Variants in ROBO2 observed in about 807,000 individuals in gnomAD.
The protein encoded by ROBO2 is roundabout homolog 2.
A neutral mutation model predicts 160.8 loss-of-function variants in ROBO2; 53 were observed. The ratio of observed to expected loss-of-function variants is 0.33; its 90% confidence interval spans 0.26 to 0.41. The LOEUF (loss-of-function observed/expected upper bound fraction) is 0.41. ROBO2 is among the 10% of genes least tolerant of loss of function. The pLI, the probability that ROBO2 is intolerant of heterozygous loss-of-function variation, is 1.00. For synonymous variants in ROBO2, 664 were observed against 611.7 expected (o/e 1.09, Z -1.26); for missense variants, 1,577 against 1,722.4 (o/e 0.92, Z 1.49).
At chr3:76,015,211 A>G (rs957166947) in intron 2 of ROBO2, among the ~76,000 whole-genome samples, 5 of 152,224 alleles carry the variant, frequency 3.3e-5, no homozygotes, top group African/African-American at 1.2e-4. Context: ...ACAAATGGCT[A>G]CATATAAAAA....
Position 77,317,240 on chromosome 3 carries a change from T to C in ROBO2, c.389-160174T>C, listed in dbSNP as rs2064097856. 4 of 800,092 alleles carry C rather than the reference T, an allele frequency of 5.0e-6. No homozygotes were observed. The Admixed American group carries it at 7.1e-5, about 14-fold the overall frequency. The allele number at this position is 800,092 out of a possible 1,614,324, so 49.6% of individuals were successfully genotyped here. On this transcript the variant is annotated intron_variant, in intron 2 of 25. Coordinates refer to ENST00000461745, the Ensembl canonical transcript of ROBO2. ...AAATCCACGTCACAGCCCAGGTTAA[T>C]GTGCTCCCACTTGCACCCTGTCTTG...
rs1329634324 is a variant in ROBO2 at position 76,580,317 on chromosome 3, G to GTT, written c.110-517688_110-517687dup. 8.9e-3 allele frequency among the ~76,000 whole-genome samples: 347 copies of GTT among 38,866 alleles called. 2 individuals carry two copies. The highest frequency in any genetic ancestry group is 0.023 in the African/African-American group (338 of 14,468). 25.5% of individuals were successfully genotyped at this position (38,866 alleles called of 152,430 possible). ...TCCCCCAACTGCTAACCCAACCCCT[G>GTT]TTTTTTTTTTGTTTTTTTTTTTGTG... is the stretch of plus-strand genomic sequence containing the variant. On this transcript the variant is annotated intron_variant, in intron 2 of 26. Coordinates refer to the ROBO2 transcript ENST00000487694.
intron 2 of ROBO2, among the ~76,000 whole-genome samples, chr3:76,090,988 A>C (rs1265859143): frequency 6.6e-6 from 1 of 152,214 alleles, no homozygotes; most frequent in African/African-American, 2.4e-5. Context: ...TAAAACACAA[A>C]ACTACGAAGC....
chr3:77,123,333 G>A (rs150240602), intron 2 of ROBO2, among the ~76,000 whole-genome samples: 3,718 of 152,204 alleles, frequency 0.024, 67 homozygotes, highest in Non-Finnish European at 0.038. Flanking sequence ...TTTTTCTGCA[G>A]CAGTTTCCAG....
chr3:77,249,808 TTTA>T (rs1169380223), intron 2 of ROBO2, among the ~76,000 whole-genome samples: 5 of 151,274 alleles, frequency 3.3e-5, no homozygotes, highest in East Asian at 1.9e-4. Context: ...GCTACTATAT[TTTA>T]TTATTATTAT....
At chr3:76,882,504 A>C (rs2073454666) in intron 2 of ROBO2, among the ~76,000 whole-genome samples, 1 of 152,042 alleles carries the variant, frequency 6.6e-6, no homozygotes, top group Non-Finnish European at 1.5e-5. Flanking sequence ...GTATCAAAAT[A>C]GCTTTTAAAA....
At chr3:76,393,855 A>G (rs960220838) in intron 2 of ROBO2, among the ~76,000 whole-genome samples, 11 of 152,148 alleles carry the variant, frequency 7.2e-5, no homozygotes, top group East Asian at 1.9e-4. Flanking sequence ...TTTTATTTGT[A>G]TATGTATTAT....
chr3:76,272,193 T>A (rs976834614), intron 2 of ROBO2, among the ~76,000 whole-genome samples: 3 of 152,148 alleles, frequency 2.0e-5, no homozygotes, highest in African/African-American at 7.2e-5. Context: ...TGAAGTTATG[T>A]AAAGTAGCGC....
At chr3:77,111,747 G>A (rs1414270264) in intron 2 of ROBO2, among the ~76,000 whole-genome samples, 2 of 152,166 alleles carry the variant, frequency 1.3e-5, no homozygotes, top group Non-Finnish European at 2.9e-5. Flanking sequence ...CCCAAAACAT[G>A]ACTTAATGAG....
At chr3:76,700,640 G>T (rs895340919) in intron 2 of ROBO2, among the ~76,000 whole-genome samples, 2 of 152,112 alleles carry the variant, frequency 1.3e-5, no homozygotes, top group African/African-American at 4.8e-5. Context: ...ATTGGAAACT[G>T]CTTCCTTTGA....
At chr3:76,120,346 G>C (rs1230738938) in intron 2 of ROBO2, among the ~76,000 whole-genome samples, 1 of 151,764 alleles carries the variant, frequency 6.6e-6, no homozygotes, top group Non-Finnish European at 1.5e-5. Context: ...TCAGATCACA[G>C]GTTGTGAGTG....
chr3:77,192,208 T>A (rs955804833), intron 2 of ROBO2, among the ~76,000 whole-genome samples: 1 of 152,322 alleles, frequency 6.6e-6, no homozygotes, highest in African/African-American at 2.4e-5. Flanking sequence ...ATGATATTAT[T>A]CTATCTTTGC....
At chr3:77,407,571 A>G (rs922906799) in intron 2 of ROBO2, among the ~76,000 whole-genome samples, 2 of 152,192 alleles carry the variant, frequency 1.3e-5, no homozygotes, top group African/African-American at 4.8e-5. Context: ...TATCTTGCCT[A>G]CTGGCCTAAG....
chr3:77,635,959 C>G (rs752865432), intron 24 of ROBO2, among the ~76,000 whole-genome samples: 1 of 152,026 alleles, frequency 6.6e-6, no homozygotes, highest in Non-Finnish European at 1.5e-5. Flanking sequence ...TGGTGAGGAC[C>G]CACTTTCTGG....
intron 2 of ROBO2, chr3:77,317,327 G>A: frequency 1.3e-6 from 1 of 774,780 alleles, no homozygotes; most frequent in Non-Finnish European, 2.3e-6. Context: ...TCAGCCTCAG[G>A]CCACGTGCAA....
chr3:77,200,727 A>T (rs1441963), intron 2 of ROBO2, among the ~76,000 whole-genome samples: 50,797 of 151,902 alleles, frequency 0.33, 9,976 homozygotes, highest in Middle Eastern at 0.53. Context: ...ATGTTCTTAA[A>T]AGGAGAAATA....
At position 77,546,478 on chromosome 3, in the gene ROBO2, C is replaced by T. The variant is rs200822173; in HGVS notation, c.1059+16C>T. The T allele has an allele frequency of 6.2e-7, 1 of 1,612,702 alleles. No homozygotes were observed. The stretch of plus-strand genomic sequence containing the variant: ...AGGCAGCCAGGTGAGTGTGAGGCTT[C>T]ACTGCTTTTCTGAAATCTCTGAACT... On this transcript the variant is annotated intron_variant, in intron 7 of 25. Transcript: ENST00000461745.
chr3:77,137,538 T>A (rs2076377474), intron 2 of ROBO2, among the ~76,000 whole-genome samples: 1 of 152,364 alleles, frequency 6.6e-6, no homozygotes, highest in Non-Finnish European at 1.5e-5. Context: ...ATATATAACA[T>A]CTTAAGCACA....
At chr3:77,197,850 A>C (rs1318826168) in intron 2 of ROBO2, among the ~76,000 whole-genome samples, 3 of 152,154 alleles carry the variant, frequency 2.0e-5, no homozygotes, top group Non-Finnish European at 1.5e-5. Flanking sequence ...AATGTGGAGA[A>C]CCTTCCCCTT....
Sources: gnomAD v4.1 joint callset for allele counts (sites outside exome capture counted in the v4.1 genomes callset) on GRCh38, gnomAD v4.1.1 for gene constraint, MANE v1.5 for transcripts, NCBI Gene and HGNC (gene_info 2026-07-23, HGNC 2026-07-21) for gene names.